Variants in HDAC11 observed in about 807,000 individuals in gnomAD.
The protein encoded by HDAC11 is histone deacetylase 11.
HDAC11 carries 23 observed loss-of-function variants against 41.1 expected under a neutral mutation model. The observed-to-expected ratio is 0.56, with a 90% confidence interval of 0.40 to 0.79. The LOEUF (loss-of-function observed/expected upper bound fraction) is 0.79, where lower values mean the gene tolerates loss of function less well. Ranked by LOEUF, HDAC11 falls within the 30% of genes least tolerant of loss-of-function variation. HDAC11 has a pLI of 0.00. For missense variants in HDAC11, 402 were observed against 477.3 expected (o/e 0.84, Z 1.47); for synonymous variants, 187 against 186.6 (o/e 1.00, Z -0.02).
intron 3 of HDAC11, 133 bp from the exon 4 acceptor site, chr3:13,496,603 A>C: frequency 1.6e-6 from 1 of 617,200 alleles, no homozygotes; most frequent in Non-Finnish European, 2.9e-6. Context: ...TACCAAAGGA[A>C]GTGTGCTTGA....
rs1702318082 is a variant in HDAC11, at chr3:13,500,695, C to G, written c.413-18C>G. 6.4e-7 allele frequency: 1 copy of G among 1,574,038 alleles called. No individual in the cohort carries two copies. The highest frequency in any genetic ancestry group is 1.3e-5 in the African/African-American group (1 of 74,462). On this transcript the variant is annotated intron_variant, in intron 5 of 9. Coordinates refer to ENST00000295757, the MANE Select transcript of HDAC11 (RefSeq NM_024827.4). ...GGGAGCCTGGCTCTGAGCAGCACCGCTCTCTGCCCTTCCGCAGGGGGTGGC... is the reference window on the plus strand; with the variant it reads ...GGGAGCCTGGCTCTGAGCAGCACCGGTCTCTGCCCTTCCGCAGGGGGTGGC...
chr3:13,504,461 CT>C lies in HDAC11; in HGVS notation c.829-6del. ...CTGCCTGAGTCACCCTCCTCTTCCC[CT>C]AACAGGGCATCGTGAAGCGGGATGA... On this transcript the variant is annotated splice_polypyrimidine_tract_variant and splice_region_variant and intron_variant, in intron 9 of 9. Transcript: ENST00000295757. The C allele has an allele frequency of 6.2e-7, 1 of 1,613,038 alleles. No individual in the cohort carries two copies. Among genetic ancestry groups the C allele is most frequent in the South Asian group, 1.1e-5 (1 of 91,082 alleles).
chr3:13,490,282 G>A (rs1295996572), intron 3 of HDAC11, among the ~76,000 whole-genome samples: 2 of 152,110 alleles, frequency 1.3e-5, no homozygotes, highest in Admixed American at 6.5e-5. Flanking sequence ...ATGAGCCACC[G>A]TGCCCAGCCA....
Position 13,501,897 on chromosome 3 carries a change from C to T in HDAC11, c.516C>T (p.Ile172=). 6.2e-7 allele frequency: 1 copy of T among 1,614,034 alleles called. No homozygotes were observed. Among genetic ancestry groups the T allele is most frequent in the Non-Finnish European group, 8.5e-7 (1 of 1,179,970 alleles). The change falls in exon 7 of 10, where the codon ATC becomes ATT. Residue 172 remains isoleucine, a synonymous_variant. Transcript: ENST00000295757. ...TTCTGTTTGAGCGTGTGGAGGGCAT[C>T]TCCAGGGCTACCATCATTGATCTTG... ...IKFLFERVEG[I]SRATIIDLDA...
rs575642692 is a variant in HDAC11 at position 13,485,716 on chromosome 3, TTGAAGC to T, written c.252+2155_252+2160del. Among the ~76,000 whole-genome samples the T allele has an allele frequency of 1.4e-3, 216 of 151,734 alleles. 2 individuals are homozygous for T. Among genetic ancestry groups the T allele is most frequent in the African/African-American group, 5.1e-3 (208 of 41,094 alleles). Reference sequence around the variant, plus strand: ...GGCAGGAGACCTTGAGCCCAGGAGTTTGAAGCTGTAGTGAGCTATGATTGCACCACT... The same window carrying T: ...GGCAGGAGACCTTGAGCCCAGGAGTTTGTAGTGAGCTATGATTGCACCACT... On this transcript the variant is annotated intron_variant, in intron 3 of 9. Transcript: ENST00000295757.
chr3:13,504,191 C>T lies in HDAC11; in HGVS notation c.747C>T (p.His249=). 8 of 1,614,014 alleles carry T rather than the reference C, an allele frequency of 5.0e-6. No homozygotes were observed. The highest frequency in any genetic ancestry group is 6.8e-6 in the Non-Finnish European group (8 of 1,180,032). Residue 249 remains histidine (H), a synonymous_variant, in exon 9 of 10, where the codon CAC becomes CAT. Coordinates refer to ENST00000295757, the MANE Select transcript of HDAC11 (RefSeq NM_024827.4). ...ACATCAAGAAATCCCTCCAGGAGCA[C>T]CTGCCCGACGTGGTGGTATACAATG... is the stretch of plus-strand genomic sequence containing the variant. ...ERNIKKSLQE[H]LPDVVVYNAG... is the part of the protein sequence containing the mutation.
chr3:13,484,446 C>T (rs1443419035), intron 3 of HDAC11, among the ~76,000 whole-genome samples: 1 of 152,218 alleles, frequency 6.6e-6, no homozygotes, highest in Non-Finnish European at 1.5e-5. Context: ...GGGGCGGCTC[C>T]TCAGCTCCAC....
intron 5 of HDAC11, among the ~76,000 whole-genome samples, chr3:13,500,490 G>A (rs1238034322): frequency 6.6e-6 from 1 of 152,196 alleles, no homozygotes; most frequent in African/African-American, 2.4e-5. Flanking sequence ...GGTGTGAGTG[G>A]CACTGAGGAC....
chr3:13,491,358 TATC>T, intron 3 of HDAC11, among the ~76,000 whole-genome samples: 1 of 152,110 alleles, frequency 6.6e-6, no homozygotes, highest in Non-Finnish European at 1.5e-5. Flanking sequence ...TAACGCCTTT[TATC>T]ATGTTGAGGG....
intron 4 of HDAC11, among the ~76,000 whole-genome samples, chr3:13,497,635 C>T (rs959145226): frequency 5.9e-5 from 9 of 152,226 alleles, no homozygotes; most frequent in African/African-American, 1.4e-4. Context: ...AAAAATGTGC[C>T]ACACACTGCC....
intron 3 of HDAC11, among the ~76,000 whole-genome samples, chr3:13,484,161 G>A (rs978103661): frequency 8.6e-5 from 13 of 151,998 alleles, no homozygotes; most frequent in South Asian, 2.1e-4. Flanking sequence ...ATGTGGTTTC[G>A]CCGTGTTGGC....
At chr3:13,495,450 G>A (rs754476784) in intron 3 of HDAC11, among the ~76,000 whole-genome samples, 2 of 151,872 alleles carry the variant, frequency 1.3e-5, no homozygotes, top group Non-Finnish European at 2.9e-5. Context: ...ACCCTCACAG[G>A]CCCCAGACCC....
chr3:13,490,437 T>G (rs1701797168), intron 3 of HDAC11, among the ~76,000 whole-genome samples: 1 of 152,210 alleles, frequency 6.6e-6, no homozygotes. Context: ...TGGGGAGTTT[T>G]GCCATCTTAA....
rs768503634 is a variant in HDAC11 at position 13,483,467 on chromosome 3, A to T, written c.155A>T (p.Glu52Val). ...GATGCTCCCTCTGTGGTTTCAGAAGAGAAGCTTCTGTCTGACAGCATGCTG... is the reference window on the plus strand; with the variant it reads ...GATGCTCCCTCTGTGGTTTCAGAAGTGAAGCTTCTGTCTGACAGCATGCTG... ...WGKVINFLKE[E>V]KLLSDSMLVE... The change falls in exon 3 of 10, where the codon GAG (glutamate) becomes GTG (valine). Residue 52 changes from glutamate to valine, a missense_variant. Coordinates refer to ENST00000295757, the MANE Select transcript of HDAC11 (RefSeq NM_024827.4). 1 of 1,613,528 alleles carries T rather than the reference A, an allele frequency of 6.2e-7. No individual in the cohort carries two copies. The highest frequency in any genetic ancestry group is 2.2e-5 in the East Asian group (1 of 44,864).
In HDAC11 at chr3:13,496,774, C is replaced by G. The variant is rs759065604; in HGVS notation, c.291C>G (p.Pro97=). ...TTGCTACCATCACAGAAATCCCCCC[C>G]GTTATCTTCCTCCCCAACTTCCTTG... ...FAVATITEIP[P]VIFLPNFLVQ... is the part of the protein sequence containing the mutation. The change falls in exon 4 of 10, where the codon CCC becomes CCG. Residue 97 remains proline, a synonymous_variant. Transcript: ENST00000295757. 30 of 1,606,918 alleles carry G rather than the reference C, an allele frequency of 1.9e-5. No homozygotes were observed. In the South Asian group the frequency reaches 2.8e-4, roughly 15 times the overall value.
intron 3 of HDAC11, among the ~76,000 whole-genome samples, chr3:13,489,651 C>T (rs966117639): frequency 5.9e-5 from 9 of 152,216 alleles, no homozygotes; most frequent in Non-Finnish European, 1.2e-4. Context: ...ACTGCAACCT[C>T]CGTCTCCTGG....
chr3:13,491,435 AG>A (rs1701861055), intron 3 of HDAC11, among the ~76,000 whole-genome samples: 1 of 152,038 alleles, frequency 6.6e-6, no homozygotes, highest in Non-Finnish European at 1.5e-5. Flanking sequence ...ATTTTGTCAA[AG>A]GCTTTTTGTG....
intron 3 of HDAC11, among the ~76,000 whole-genome samples, chr3:13,487,793 T>C (rs1318730968): frequency 6.6e-6 from 1 of 152,174 alleles, no homozygotes; most frequent in African/African-American, 2.4e-5. Flanking sequence ...CACATCCCTT[T>C]CCTGCTGGAG....
Position 13,502,772 on chromosome 3 carries a change from C to T in HDAC11, c.553-112C>T. 1.3e-6 allele frequency: 1 copy of T among 740,784 alleles called. No individual in the cohort carries two copies. Among genetic ancestry groups the T allele is most frequent in the Non-Finnish European group, 2.3e-6 (1 of 427,932 alleles). 45.9% of individuals were successfully genotyped at this position (740,784 alleles called of 1,614,324 possible). A position where few individuals can be genotyped will look rare whatever the true frequency, so the allele number is the denominator to read the frequency against. Reference sequence around the variant, plus strand: ...TCATGAGACCTGCTGCCCCCGAGAGCAGGCCGTGCTGCCCTGGCAAATGGG... The same window carrying T: ...TCATGAGACCTGCTGCCCCCGAGAGTAGGCCGTGCTGCCCTGGCAAATGGG... On this transcript the variant is annotated intron_variant, in intron 7 of 9. Transcript: ENST00000295757. This position sits in a 1 kb window ranked among gnomAD's most constrained non-coding sequence, Gnocchi z 4.1.
Sources: allele counts gnomAD v4.1 joint callset (sites outside exome capture counted in the v4.1 genomes callset), GRCh38; gene constraint gnomAD v4.1.1; non-coding constraint Gnocchi (gnomAD v3.1); transcripts MANE v1.5; gene names NCBI Gene and HGNC (gene_info 2026-07-23, HGNC 2026-07-21).